The following CEP250 variants were observed in gnomAD, a reference collection of about 807,000 sequenced individuals.
The protein encoded by CEP250 is centrosomal protein 250.
In CEP250, 242 loss-of-function variants were observed where a neutral mutation model predicts 315.7. The observed-to-expected ratio is 0.77, with a 90% confidence interval of 0.69 to 0.85. CEP250 has a LOEUF of 0.85. Among genes scored for constraint, CEP250 ranks in the 40% least tolerant of loss-of-function variants. The probability of loss-of-function intolerance (pLI) is 0.00; values close to 1 mark genes in which losing one functional copy is unlikely to be tolerated. For synonymous variants in CEP250, 1,088 were observed against 1,175.0 expected, an observed-to-expected ratio of 0.93 and a Z score of 1.51; for missense variants, 2,515 against 2,886.4, an observed-to-expected ratio of 0.87 and a Z score of 2.95.
intron 30 of CEP250, among the ~76,000 whole-genome samples, chr20:35,507,399 C>T (rs1262336408): frequency 6.6e-6 from 1 of 152,194 alleles, no homozygotes; most frequent in Non-Finnish European, 1.5e-5. Flanking sequence ...GGGTACGCCA[C>T]AGGGCACCCA....
chr20:35,497,620 TC>T, intron 25 of CEP250, 98 bp from the exon 26 acceptor site: 1 of 828,018 alleles, frequency 1.2e-6, no homozygotes, highest in Non-Finnish European at 1.9e-6. Context: ...CCAGCCCTGA[TC>T]AGAGTTTGTA....
rs568380895 is a variant in CEP250 at position 35,465,695 on chromosome 20, G to A, written c.244-48G>A. On this transcript the variant is annotated intron_variant, in intron 5 of 34. Coordinates refer to ENST00000397527, the MANE Select transcript of CEP250 (RefSeq NM_007186.6). ...AGGGAGCCTTAGGGAACTGGTCTGA[G>A]TGATGTTCTCTTTGGAGGTAAGTAA... 23 of 1,410,632 alleles carry A rather than the reference G, an allele frequency of 1.6e-5. No individual in the cohort carries two copies. In the South Asian group the frequency reaches 2.4e-4, roughly 15 times the overall value. 87.4% of individuals were successfully genotyped at this position (1,410,632 alleles called of 1,614,324 possible). A position where few individuals can be genotyped will look rare whatever the true frequency, so the allele number is the denominator to read the frequency against.
At chr20:35,505,288 G>C (rs2064154138) in intron 30 of CEP250, among the ~76,000 whole-genome samples, 1 of 152,210 alleles carries the variant, frequency 6.6e-6, no homozygotes, top group South Asian at 2.1e-4. Flanking sequence ...TATGCCCCAG[G>C]CATGCTGGAG....
chr20:35,479,649 A>C lies in CEP250; in HGVS notation c.2292A>C (p.Ser764=). 1 of 1,614,174 alleles carries C rather than the reference A, an allele frequency of 6.2e-7. No individual in the cohort carries two copies. Among genetic ancestry groups the C allele is most frequent in the East Asian group, 2.2e-5 (1 of 44,886 alleles). ...TTCTGATTCCTGAACCTCACAGCTCAGCCAAGGAGCTACTGGAGAGCAGTC... is the reference window on the plus strand; with the variant it reads ...TTCTGATTCCTGAACCTCACAGCTCCGCCAAGGAGCTACTGGAGAGCAGTC... ...DLAEQLQGLS[S]AKELLESSLF... is the part of the protein sequence containing the mutation. Residue 764 remains serine, a synonymous_variant, in exon 19 of 35, where the codon TCA becomes TCC. Transcript: ENST00000397527.
chr20:35,492,073 T>A (rs2063714162), intron 22 of CEP250, among the ~76,000 whole-genome samples: 2 of 152,012 alleles, frequency 1.3e-5, no homozygotes, highest in Admixed American at 1.3e-4. Context: ...ATGATACAAC[T>A]GAGAGTGAGT....
In CEP250 at chr20:35,482,758, C is replaced by T. The variant is rs1009121075; in HGVS notation, c.2586+2613C>T. Among the ~76,000 whole-genome samples, 156 of 150,720 alleles carry T rather than the reference C, an allele frequency of 1.0e-3. 1 individual carries two copies. The highest frequency in any genetic ancestry group is 3.5e-3 in the Middle Eastern group (1 of 284). ...TGTATTTTTAGTAGAGATGGGGTTT[C>T]ACCATGTTGCCCAGGCTGGTCTCAA... On this transcript the variant is annotated intron_variant, in intron 20 of 34. Transcript: ENST00000397527.
In CEP250 at chr20:35,504,142, C is replaced by T. The variant is rs1032991818; in HGVS notation, c.5773C>T (p.Gln1925Ter). The change falls in exon 30 of 35, where the codon CAG becomes TAG. Residue 1925 changes from glutamine (Q) to a stop codon, truncating the protein, a stop_gained. Transcript: ENST00000397527. LOFTEE classifies it high-confidence loss of function. ...QEHEVETRAL[Q>*]DSWLQAQAVL... ...GCATGAGGTGGAGACCAGGGCCCTG[C>T]AGGACAGCTGGCTGCAGGCCCAGGC... The T allele has an allele frequency of 1.9e-6, 3 of 1,613,874 alleles. No homozygotes were observed. In the African/African-American group the frequency reaches 4.0e-5, roughly 22 times the overall value.
chr20:35,475,436 C>A, intron 14 of CEP250, 66 bp from the exon 15 acceptor site: 1 of 1,496,670 alleles, frequency 6.7e-7, no homozygotes, highest in Admixed American at 1.8e-5. Context: ...GATTATATTC[C>A]TGTTACCTTT....
At position 35,498,663 on chromosome 20, in the gene CEP250, G is replaced by C. The variant is rs766169214; in HGVS notation, c.3724G>C (p.Ala1242Pro). Reference protein sequence around the residue: ...LLTALSAEAVASALHKLHQDL... With the variant: ...LLTALSAEAVPSALHKLHQDL... ...GACTGCTCTCTCCGCTGAGGCAGTAGCATCTGCCCTCCACAAGCTTCATCA... is the reference window on the plus strand; with the variant it reads ...GACTGCTCTCTCCGCTGAGGCAGTACCATCTGCCCTCCACAAGCTTCATCA... Residue 1242 changes from alanine to proline, a missense_variant, in exon 27 of 35, where the codon GCA becomes CCA. By Grantham distance (27) the Ala-to-Pro change is conservative (BLOSUM62 -1). Coordinates refer to ENST00000397527, the MANE Select transcript of CEP250 (RefSeq NM_007186.6). The C allele has an allele frequency of 6.2e-7, 1 of 1,607,190 alleles. No homozygotes were observed. The highest frequency in any genetic ancestry group is 1.7e-5 in the Admixed American group (1 of 57,868).
Position 35,506,408 on chromosome 20 carries a change from C to T in CEP250, c.6637-1330C>T, listed in dbSNP as rs181254960. 3.6e-3 allele frequency among the ~76,000 whole-genome samples: 553 copies of T among 152,276 alleles called. 5 individuals carry two copies. Among genetic ancestry groups the T allele is most frequent in the Non-Finnish European group, 2.3e-3 (159 of 68,032 alleles). ...ATTATTTAACCTCAAGGTCAAGCAC[C>T]GTGTCTTAGTCACCTTTGTACCCCC... On this transcript the variant is annotated intron_variant, in intron 30 of 34. Coordinates refer to ENST00000397527, the MANE Select transcript of CEP250 (RefSeq NM_007186.6).
rs772117967 is a variant in CEP250 at position 35,502,510 on chromosome 20, C to T, written c.4141C>T (p.Leu1381=). Residue 1381 remains leucine, a synonymous_variant, in exon 30 of 35, where the codon CTG becomes TTG. Coordinates refer to ENST00000397527, the MANE Select transcript of CEP250 (RefSeq NM_007186.6). ...ASAAGILEED[L]RTARSALKLK... ...TGCTGCTGGCATCCTGGAAGAAGACCTGAGAACGGCTCGCTCAGCACTGAA... is the reference window on the plus strand; with the variant it reads ...TGCTGCTGGCATCCTGGAAGAAGACTTGAGAACGGCTCGCTCAGCACTGAA... The T allele has an allele frequency of 6.2e-7, 1 of 1,614,196 alleles. No homozygotes were observed.
intron 27 of CEP250, 61 bp from the exon 28 acceptor site, chr20:35,499,988 G>T: frequency 6.2e-7 from 1 of 1,606,266 alleles, no homozygotes; most frequent in Non-Finnish European, 8.5e-7. Flanking sequence ...GAGAGCTTGA[G>T]CCCTGCATTG....
intron 11 of CEP250, 60 bp downstream of exon 11, chr20:35,472,211 T>G: frequency 1.0e-6 from 1 of 997,350 alleles, no homozygotes; most frequent in Non-Finnish European, 1.6e-6. Flanking sequence ...CAGGTCTCCA[T>G]GTCCTTTCAG....
intron 22 of CEP250, among the ~76,000 whole-genome samples, chr20:35,492,308 T>TGGTGGGGAATGG (rs1015897497): frequency 6.6e-6 from 1 of 151,844 alleles, no homozygotes; most frequent in Non-Finnish European, 1.5e-5. Context: ...AACAGATTTA[T>TGGTGGGGAATGG]GGTGGGGAAT....
chr20:35,500,295 C>A lies in CEP250; in HGVS notation c.3898+126C>A. On this transcript the variant is annotated intron_variant, in intron 28 of 34. Transcript: ENST00000397527. ...ATTTTATTTTTGAGACGACATCTCA[C>A]TCTGTCACTCAGGTTTGAGTACAAT... is the stretch of plus-strand genomic sequence containing the variant. 3.4e-6 allele frequency: 4 copies of A among 1,168,052 alleles called. No homozygotes were observed. The East Asian group carries it at 7.4e-5, about 22-fold the overall frequency. The allele number at this position is 1,168,052 out of a possible 1,614,324, so 72.4% of individuals were successfully genotyped here.
At chr20:35,488,800 C>A (rs1301096620) in intron 20 of CEP250, among the ~76,000 whole-genome samples, 1 of 151,988 alleles carries the variant, frequency 6.6e-6, no homozygotes, top group East Asian at 1.9e-4. Flanking sequence ...GAAGGCTTCA[C>A]CAAGGAAGTG....
At position 35,472,874 on chromosome 20, in the gene CEP250, T is replaced by C. The variant is rs535689833; in HGVS notation, c.1209+43T>C. ...TCCACCTCAGTCACAGGGGTTTGTGTCTAAACTGGTTTGTGCCTCAGGTAC... is the reference window on the plus strand; with the variant it reads ...TCCACCTCAGTCACAGGGGTTTGTGCCTAAACTGGTTTGTGCCTCAGGTAC... On this transcript the variant is annotated intron_variant, in intron 12 of 34. Transcript: ENST00000397527. The C allele has an allele frequency of 3.9e-5, 63 of 1,607,638 alleles. 1 individual carries two copies. In the South Asian group the frequency reaches 6.1e-4, roughly 15 times the overall value.
intron 22 of CEP250, among the ~76,000 whole-genome samples, chr20:35,491,722 G>T (rs1367252615): frequency 6.6e-6 from 1 of 152,008 alleles, no homozygotes; most frequent in Non-Finnish European, 1.5e-5. Context: ...GGCCAACATG[G>T]TGAAACCTCA....
In CEP250 at chr20:35,508,111, A is replaced by G. The variant is rs750949352; in HGVS notation, c.6827A>G (p.Gln2276Arg). 3 of 1,614,192 alleles carry G rather than the reference A, an allele frequency of 1.9e-6. No individual in the cohort carries two copies. In the East Asian group the frequency reaches 6.7e-5, roughly 36 times the overall value. ...TGGAGACAAAGGCTTGAACACCTGC[A>G]GCAAGCAGTGGCCCGGCTGGAGATT... The part of the protein sequence containing the change: ...QSWRQRLEHL[Q>R]QAVARLEIDR... Residue 2276 changes from glutamine (Q) to arginine (R), a missense_variant, in exon 32 of 35, where the codon CAG (glutamine) becomes CGG (arginine). Transcript: ENST00000397527.
Sources: allele counts gnomAD v4.1 joint callset (sites outside exome capture counted in the v4.1 genomes callset), GRCh38; gene constraint gnomAD v4.1.1; transcripts MANE v1.5; gene names NCBI Gene and HGNC (gene_info 2026-07-23, HGNC 2026-07-21).